TENM2: variants seen among roughly 807,000 people sequenced by gnomAD.
TENM2 encodes teneurin-2.
A neutral mutation model predicts 245.2 loss-of-function variants in TENM2; 52 were observed. The ratio of observed to expected loss-of-function variants is 0.21; its 90% CI spans 0.17 to 0.27. The LOEUF is 0.27. Ranked by LOEUF, TENM2 falls within the 10% of genes least tolerant of loss-of-function variation. TENM2 has a pLI of 1.00. For missense variants in TENM2, 3,046 were observed against 3,666.8 expected, an observed-to-expected ratio of 0.83 and a Z score of 4.37; for synonymous variants, 1,363 against 1,438.9, an observed-to-expected ratio of 0.95 and a Z score of 1.19.
the TENM2 span, among the ~76,000 whole-genome samples, chr5:167,070,212 G>T: frequency 2.6e-5 from 4 of 151,022 alleles, no homozygotes; most frequent in Non-Finnish European, 5.9e-5. Flanking sequence ...CCGCCTCCCG[G>T]GTTCACTCCA....
chr5:167,598,055 G>A lies in TENM2; in HGVS notation c.502+222582G>A, dbSNP rs568742454. On this transcript the variant is annotated intron_variant, in intron 2 of 28. Transcript: ENST00000518659. Reference sequence around the variant, plus strand: ...ACCCTTCTTGGAGTCAGAGAGATTGGTCCACGGGAGACCAGTGAAGCATGA... The same window carrying A: ...ACCCTTCTTGGAGTCAGAGAGATTGATCCACGGGAGACCAGTGAAGCATGA... Among the ~76,000 whole-genome samples, 12 of 152,326 alleles carry A rather than the reference G, an allele frequency of 7.9e-5. No homozygotes were observed. In the South Asian group the frequency reaches 2.5e-3, roughly 32 times the overall value.
chr5:167,958,619 GT>G (rs1289899239), intron 4 of TENM2, among the ~76,000 whole-genome samples: 2 of 152,328 alleles, frequency 1.3e-5, no homozygotes, highest in Non-Finnish European at 2.9e-5. Flanking sequence ...GCTGGTACCA[GT>G]TTTTCCTTTC....
At chr5:167,282,148 T>C (rs1771102176), upstream of TENM2, among the ~76,000 whole-genome samples, 1 of 151,920 alleles carries the variant, frequency 6.6e-6, no homozygotes, top group Admixed American at 6.6e-5. Flanking sequence ...TTAGAGAAGA[T>C]AGGATTTCAT....
At chr5:168,090,897 T>G in intron 8 of TENM2, 128 bp downstream of exon 10, 2 of 770,982 alleles carry the variant, frequency 2.6e-6, no homozygotes, top group Admixed American at 2.4e-5. Context: ...ATCCTTTGTT[T>G]AGGCCTTATA....
chr5:167,084,255 G>A, the TENM2 span, among the ~76,000 whole-genome samples: 2 of 142,414 alleles, frequency 1.4e-5, no homozygotes, highest in Admixed American at 1.5e-4. Context: ...ATGTGTATTT[G>A]TGTATCCAAG....
At chr5:167,696,942 G>A (rs1458439623) in intron 2 of TENM2, among the ~76,000 whole-genome samples, 1 of 152,170 alleles carries the variant, frequency 6.6e-6, no homozygotes, top group Non-Finnish European at 1.5e-5. Flanking sequence ...CACCTAACTT[G>A]GGAAAACAAG....
intron 10 of TENM2, among the ~76,000 whole-genome samples, chr5:168,120,981 G>T (rs1795430565): frequency 6.6e-6 from 1 of 152,168 alleles, no homozygotes. Context: ...GATGAGAGAG[G>T]AGTTGACATA....
At chr5:167,618,418 G>C (rs1411420576) in intron 2 of TENM2, among the ~76,000 whole-genome samples, 2 of 152,036 alleles carry the variant, frequency 1.3e-5, no homozygotes, top group Non-Finnish European at 2.9e-5. Context: ...AGATGCATTA[G>C]AATCAAATCC....
rs77880767 is a variant in TENM2 at position 167,515,482 on chromosome 5, G to A, written c.502+140009G>A. Among the ~76,000 whole-genome samples, 13 of 151,112 alleles carry A rather than the reference G, an allele frequency of 8.6e-5. No homozygotes were observed. In the East Asian group the frequency reaches 9.8e-4, roughly 11 times the overall value. On this transcript the variant is annotated intron_variant, in intron 2 of 28. Coordinates refer to ENST00000518659, the Ensembl canonical transcript of TENM2. ...GTAGATCACCTTTTCATTGCCAATG[G>A]GTTCCAATAGCCAGGGCCTATGCTA...
At chr5:167,911,793 C>A (rs903748014) in intron 3 of TENM2, among the ~76,000 whole-genome samples, 1 of 152,274 alleles carries the variant, frequency 6.6e-6, no homozygotes, top group East Asian at 1.9e-4. Flanking sequence ...TACAGAAATA[C>A]GTACAACTGG....
At chr5:167,436,323 G>A (rs1764552234) in intron 2 of TENM2, among the ~76,000 whole-genome samples, 1 of 152,048 alleles carries the variant, frequency 6.6e-6, no homozygotes, top group African/African-American at 2.4e-5. Flanking sequence ...CTGACCTCAA[G>A]TGTTCCCCCC....
chr5:167,713,226 C>G lies in TENM2; in HGVS notation c.503-162760C>G, dbSNP rs73801360. The stretch of plus-strand genomic sequence containing the variant: ...CCTCTGCCATTTTTCCTACCCCCTA[C>G]GAAGATTCTGTTTTCCCCTCTTCTA... On this transcript the variant is annotated intron_variant, in intron 2 of 28. Transcript: ENST00000518659. Among the ~76,000 whole-genome samples the G allele has an allele frequency of 2.1e-3, 312 of 151,944 alleles. 2 individuals carry two copies. The highest frequency in any genetic ancestry group is 7.1e-3 in the African/African-American group (295 of 41,428).
At chr5:167,848,445 T>C (rs1407338784) in intron 2 of TENM2, among the ~76,000 whole-genome samples, 4 of 152,118 alleles carry the variant, frequency 2.6e-5, no homozygotes, top group African/African-American at 7.2e-5. Flanking sequence ...CAAATATATA[T>C]ATATAAAACA....
intron 2 of TENM2, among the ~76,000 whole-genome samples, chr5:167,588,904 A>G (rs2127700924): frequency 6.6e-6 from 1 of 152,344 alleles, no homozygotes; most frequent in South Asian, 2.1e-4. Flanking sequence ...CAAGAAATAT[A>G]AAAATCAGAT....
At chr5:167,445,311 T>TTATATATATATATA (rs755614167) in intron 2 of TENM2, among the ~76,000 whole-genome samples, 107 of 69,958 alleles carry the variant, frequency 1.5e-3, no homozygotes, top group Admixed American at 2.7e-3. Context: ...AACCATATGA[T>TTATATATATATATA]TATATATATA....
downstream of TENM2, chr5:168,263,111 C>T (rs567107589): frequency 2.0e-5 from 6 of 305,630 alleles, no homozygotes; most frequent in Admixed American, 1.4e-4. Context: ...TCTGGGTCTA[C>T]GCAGAAAAGA....
At chr5:167,027,953 C>G in the TENM2 span, among the ~76,000 whole-genome samples, 1 of 151,620 alleles carries the variant, frequency 6.6e-6, no homozygotes, top group Non-Finnish European at 1.5e-5. Flanking sequence ...CACCTGTAAT[C>G]CCGGCTACTC....
intron 1 of TENM2, among the ~76,000 whole-genome samples, chr5:167,315,345 C>G (rs1056515172): frequency 6.6e-6 from 1 of 152,128 alleles, no homozygotes; most frequent in Non-Finnish European, 1.5e-5. Context: ...TTTAAACAAT[C>G]TGCTCCAAGA....
At chr5:167,496,960 T>C (rs866310210) in intron 2 of TENM2, among the ~76,000 whole-genome samples, 9 of 152,146 alleles carry the variant, frequency 5.9e-5, no homozygotes, top group Non-Finnish European at 1.3e-4. Context: ...CTATCAAAAG[T>C]ATTTGCATAA....
Sources: allele counts gnomAD v4.1 joint callset (sites outside exome capture counted in the v4.1 genomes callset), GRCh38; gene constraint gnomAD v4.1.1; transcripts MANE v1.5; gene names NCBI Gene and HGNC (gene_info 2026-07-23, HGNC 2026-07-21).